Variants in UPP2 observed in about 807,000 individuals in gnomAD.
The protein encoded by UPP2 is uridine phosphorylase 2.
A neutral mutation model predicts 26.7 loss-of-function variants in UPP2; 23 were observed. That is an observed-to-expected ratio of 0.86 (90% CI 0.62 to 1.22). The LOEUF (loss-of-function observed/expected upper bound fraction) is 1.22. Ranked by LOEUF, UPP2 falls within the 50% of genes most tolerant of loss-of-function variation. UPP2 has a pLI of 0.00. For missense variants in UPP2, 387 were observed against 396.7 expected (o/e 0.98, Z 0.21); for synonymous variants, 127 against 141.3 (o/e 0.90, Z 0.72).
In UPP2 at chr2:158,018,333, C is replaced by T. The variant is rs554268852; in HGVS notation, c.147+2447C>T. 4.6e-5 allele frequency among the ~76,000 whole-genome samples: 7 copies of T among 152,304 alleles called. No homozygotes were observed. In the South Asian group the frequency reaches 1.5e-3, roughly 32 times the overall value. ...TGGATTATGCTAATATTCTCTGTTC[C>T]AATATTTATAGAGGGCAGTGAACCT... On this transcript the variant is annotated intron_variant, in intron 3 of 9. Coordinates refer to the UPP2 transcript ENST00000605860.
intron 3 of UPP2, among the ~76,000 whole-genome samples, chr2:158,047,563 C>T (rs73003283): frequency 0.012 from 1,807 of 152,258 alleles, 33 homozygotes; most frequent in African/African-American, 0.042. Flanking sequence ...ACCAAGAGAC[C>T]AGTGGAAATG....
intron 2 of UPP2, among the ~76,000 whole-genome samples, chr2:158,113,798 C>T (rs1683367565): frequency 6.6e-6 from 1 of 152,190 alleles, no homozygotes; most frequent in African/African-American, 2.4e-5. Context: ...CCTACATCAG[C>T]CAGATACCAC....
intron 3 of UPP2, among the ~76,000 whole-genome samples, chr2:158,019,720 C>A (rs1234653943): frequency 5.3e-5 from 8 of 150,976 alleles, no homozygotes; most frequent in Non-Finnish European, 8.9e-5. Context: ...GAAATTCTAT[C>A]TTGATTTCAT....
At chr2:158,051,154 AAT>A (rs1330463105) in intron 3 of UPP2, among the ~76,000 whole-genome samples, 69 of 103,120 alleles carry the variant, frequency 6.7e-4, no homozygotes, top group African/African-American at 2.7e-3. Flanking sequence ...TCACTCTAGG[AAT>A]ATGTGTGTGT....
At chr2:158,105,411 A>C (rs1315408315) in intron 1 of UPP2, among the ~76,000 whole-genome samples, 1 of 152,116 alleles carries the variant, frequency 6.6e-6, no homozygotes, top group Non-Finnish European at 1.5e-5. Context: ...TGGTTGGTGG[A>C]GTCCTCAATG....
chr2:158,093,230 T>A (rs900709791), intron 3 of UPP2, among the ~76,000 whole-genome samples: 4 of 149,544 alleles, frequency 2.7e-5, no homozygotes, highest in Non-Finnish European at 5.9e-5. Context: ...ACAGAGAACT[T>A]AATCATTCTA....
intron 3 of UPP2, among the ~76,000 whole-genome samples, chr2:158,057,190 G>A (rs1682259435): frequency 6.6e-6 from 1 of 152,216 alleles, no homozygotes; most frequent in Admixed American, 6.5e-5. Context: ...GGCCGAGGTA[G>A]TGTTTTGTCA....
At chr2:158,016,857 A>G (rs17491995) in intron 3 of UPP2, among the ~76,000 whole-genome samples, 4 of 151,962 alleles carry the variant, frequency 2.6e-5, no homozygotes, top group African/African-American at 4.8e-5. Flanking sequence ...CAAATCCTCA[A>G]TTTTTCCCTC....
At chr2:158,127,482 G>T (rs937536614) in intron 6 of UPP2, among the ~76,000 whole-genome samples, 25 of 151,568 alleles carry the variant, frequency 1.6e-4, no homozygotes, top group African/African-American at 5.8e-4. Flanking sequence ...AGGGCCACTA[G>T]ACTCTTTTTG....
chr2:158,061,746 C>T (rs1682355345), intron 3 of UPP2, among the ~76,000 whole-genome samples: 2 of 152,338 alleles, frequency 1.3e-5, no homozygotes, highest in South Asian at 4.1e-4. Flanking sequence ...TGCTCCTTCC[C>T]AGGATGGACT....
intron 3 of UPP2, among the ~76,000 whole-genome samples, chr2:158,024,855 T>TAA (rs529391648): frequency 1.3e-5 from 2 of 151,472 alleles, no homozygotes; most frequent in African/African-American, 4.8e-5. Context: ...TCATAAAAAA[T>TAA]AAAAAAAAAT....
chr2:158,107,537 A>G (rs1444305977), intron 2 of UPP2, among the ~76,000 whole-genome samples: 3 of 152,178 alleles, frequency 2.0e-5, no homozygotes, highest in Admixed American at 2.0e-4. Flanking sequence ...AGGATAGTCC[A>G]TAATTATTTA....
chr2:158,074,452 T>TA (rs1265206971), intron 3 of UPP2, among the ~76,000 whole-genome samples: 7 of 152,272 alleles, frequency 4.6e-5, no homozygotes, highest in Non-Finnish European at 5.9e-5. Context: ...GTAGAGTTTT[T>TA]ATTAGTTTTT....
intron 2 of UPP2, among the ~76,000 whole-genome samples, chr2:158,114,154 A>G (rs1490014142): frequency 1.3e-5 from 2 of 152,092 alleles, no homozygotes; most frequent in Non-Finnish European, 2.9e-5. Flanking sequence ...CAAAGGGCAG[A>G]CCCTCCACTA....
intron 2 of UPP2, among the ~76,000 whole-genome samples, chr2:158,000,094 G>C (rs751986687): frequency 2.0e-5 from 3 of 149,876 alleles, no homozygotes; most frequent in Non-Finnish European, 4.4e-5. Context: ...ACAGAGTCTT[G>C]GTCTTGTCCC....
At chr2:158,007,619 C>CAG (rs1398065813) in intron 2 of UPP2, among the ~76,000 whole-genome samples, 1 of 147,320 alleles carries the variant, frequency 6.8e-6, no homozygotes, top group Non-Finnish European at 1.5e-5. Flanking sequence ...TCACGTATTT[C>CAG]TCTCTCTCTC....
intron 3 of UPP2, among the ~76,000 whole-genome samples, chr2:158,055,971 A>T (rs1468661908): frequency 6.6e-6 from 1 of 152,220 alleles, no homozygotes; most frequent in Non-Finnish European, 1.5e-5. Flanking sequence ...TGGAAGGTTA[A>T]CAAGACCTAA....
intron 3 of UPP2, among the ~76,000 whole-genome samples, chr2:158,022,783 A>T (rs138387214): frequency 6.6e-6 from 1 of 152,274 alleles, no homozygotes; most frequent in Non-Finnish European, 1.5e-5. Flanking sequence ...GCATCTTCTT[A>T]ATTCCTTATT....
chr2:158,117,692 T>A (rs1683470224), intron 3 of UPP2, 132 bp from the exon 4 acceptor site: 2 of 697,432 alleles, frequency 2.9e-6, no homozygotes, highest in Non-Finnish European at 5.0e-6. Context: ...TACATTTTCC[T>A]CAGCATTGGC....
Sources: gnomAD v4.1 joint callset for allele counts (sites outside exome capture counted in the v4.1 genomes callset) on GRCh38, gnomAD v4.1.1 for gene constraint, MANE v1.5 for transcripts, NCBI Gene and HGNC (gene_info 2026-07-23, HGNC 2026-07-21) for gene names.